PCDHA11: variants seen among roughly 807,000 people sequenced by gnomAD.
The protein encoded by PCDHA11 is protocadherin alpha 11, also known as protocadherin alpha-11.
A neutral mutation model predicts 70.3 loss-of-function variants in PCDHA11; 61 were observed. The ratio of observed to expected loss-of-function variants is 0.87; its 90% CI spans 0.71 to 1.07. The LOEUF is 1.07. PCDHA11 is among the 50% of genes least tolerant of loss of function. The pLI, the probability that PCDHA11 is intolerant of heterozygous loss-of-function variation, is 0.00. For synonymous variants in PCDHA11, 633 were observed against 555.1 expected, an observed-to-expected ratio of 1.14 and a Z score of -1.97; for missense variants, 1,324 against 1,237.5, an observed-to-expected ratio of 1.07 and a Z score of -1.05.
At chr5:140,950,559 T>TAA (rs1381352344) in intron 1 of PCDHA11, among the ~76,000 whole-genome samples, 1 of 152,076 alleles carries the variant, frequency 6.6e-6, no homozygotes, top group African/African-American at 2.4e-5. Flanking sequence ...GGGGGACACT[T>TAA]ATTTTAAGGT....
chr5:140,963,386 A>G (rs189164274), intron 1 of PCDHA11, among the ~76,000 whole-genome samples: 2 of 152,344 alleles, frequency 1.3e-5, no homozygotes, highest in Admixed American at 1.3e-4. Flanking sequence ...CTCTGTGCCA[A>G]GCTCCCTACT....
chr5:140,928,066 G>A lies in PCDHA11; in HGVS notation c.2392-50883G>A, dbSNP rs376048656. On this transcript the variant is annotated intron_variant, in intron 1 of 3. Transcript: ENST00000398640. ...CCCTTTTCAGCTGACGGCTTCCTTT[G>A]ACAACTACTACAGCCTGCTGATTGA... 8.7e-6 allele frequency: 14 copies of A among 1,614,036 alleles called. No individual in the cohort carries two copies. In the African/African-American group the frequency reaches 1.9e-4, roughly 22 times the overall value.
intron 1 of PCDHA11, chr5:140,882,780 G>T: frequency 1.2e-6 from 2 of 1,614,160 alleles, no homozygotes; most frequent in Non-Finnish European, 1.7e-6. Context: ...TTGACCTACC[G>T]ACTGGATCCC....
chr5:140,978,661 T>A (rs1035787381), intron 1 of PCDHA11, among the ~76,000 whole-genome samples: 15 of 152,246 alleles, frequency 9.9e-5, no homozygotes, highest in Admixed American at 9.8e-4. Context: ...CCGTAGTGTT[T>A]TAAGAACACA....
rs1554165105 is a variant in PCDHA11 at position 140,871,093 on chromosome 5, G to A, written c.1990G>A (p.Val664Met). 3 of 1,613,300 alleles carry A rather than the reference G, an allele frequency of 1.9e-6. No individual in the cohort carries two copies. Among genetic ancestry groups the A allele is most frequent in the East Asian group, 4.5e-5 (2 of 44,870 alleles). ...GCCGGCGCTGACGGCCACGGCCACC[G>A]TGCTGGTGTCGTTGGTGGAGAGCGG... ...GEPALTATAT[V>M]LVSLVESGQA... Residue 664 changes from valine to methionine, a missense_variant, in exon 1 of 4, where the codon GTG becomes ATG. Physicochemically the swap from Val to Met is conservative, Grantham distance 21. Transcript: ENST00000398640.
At chr5:140,967,123 C>T in intron 1 of PCDHA11, 1 of 1,612,724 alleles carries the variant, frequency 6.2e-7, no homozygotes, top group Non-Finnish European at 8.5e-7. Context: ...GCTGCCTGCT[C>T]AGCTTGGAAG....
intron 1 of PCDHA11, among the ~76,000 whole-genome samples, chr5:140,878,533 CA>C (rs2057632489): frequency 6.6e-6 from 1 of 152,156 alleles, no homozygotes; most frequent in Admixed American, 6.5e-5. Context: ...AACTGTGGCT[CA>C]AACCAGTTTC....
chr5:140,967,074 A>C (rs1554229140), intron 1 of PCDHA11: 1 of 1,613,138 alleles, frequency 6.2e-7, no homozygotes. Flanking sequence ...TTCGTCAACG[A>C]GCGCATTGAT....
chr5:140,979,033 C>T, intron 2 of PCDHA11, 26 bp downstream of exon 2: 1 of 1,613,044 alleles, frequency 6.2e-7, no homozygotes, highest in Non-Finnish European at 8.5e-7. Flanking sequence ...CTCATTCACT[C>T]AGAAGTAACC....
At chr5:140,926,654 C>G (rs2083445492) in intron 1 of PCDHA11, 1 of 514,022 alleles carries the variant, frequency 1.9e-6, no homozygotes, top group Non-Finnish European at 3.1e-6. Flanking sequence ...GCCGGCTCCG[C>G]TTTCCCAGAC....
At chr5:140,895,207 T>C (rs1392562241) in intron 1 of PCDHA11, among the ~76,000 whole-genome samples, 2 of 152,208 alleles carry the variant, frequency 1.3e-5, no homozygotes, top group Non-Finnish European at 2.9e-5. Context: ...TTTGCTTTTA[T>C]TTCTAATATT....
chr5:140,877,153 A>T (rs2056892429), intron 1 of PCDHA11: 2 of 1,613,798 alleles, frequency 1.2e-6, no homozygotes, highest in Non-Finnish European at 1.7e-6. Flanking sequence ...CGAGAACGAC[A>T]ACGCGCCGGC....
At chr5:140,883,128 C>G (rs782352091) in intron 1 of PCDHA11, 1 of 1,614,060 alleles carries the variant, frequency 6.2e-7, no homozygotes, top group Non-Finnish European at 8.5e-7. Flanking sequence ...CCTGTATGGC[C>G]TGCAGTGGTA....
At chr5:140,956,190 T>A (rs1441772845) in intron 1 of PCDHA11, among the ~76,000 whole-genome samples, 1 of 152,208 alleles carries the variant, frequency 6.6e-6, no homozygotes, top group Non-Finnish European at 1.5e-5. Flanking sequence ...CTATGCTGAA[T>A]AGGAGTGGTG....
At chr5:140,951,560 C>T (rs2094602519) in intron 1 of PCDHA11, among the ~76,000 whole-genome samples, 1 of 151,998 alleles carries the variant, frequency 6.6e-6, no homozygotes. Flanking sequence ...AAGTGCTACG[C>T]ACTTTTAAAC....
intron 1 of PCDHA11, among the ~76,000 whole-genome samples, chr5:140,957,190 A>G (rs2153712685): frequency 6.6e-6 from 1 of 152,294 alleles, no homozygotes; most frequent in South Asian, 2.1e-4. Context: ...TTGATGACCG[A>G]TTGGGAATAT....
At chr5:140,919,816 A>T (rs542185810) in intron 1 of PCDHA11, among the ~76,000 whole-genome samples, 22 of 152,358 alleles carry the variant, frequency 1.4e-4, no homozygotes, top group African/African-American at 5.3e-4. Flanking sequence ...GGCCTCAAAA[A>T]TATATGTCCA....
chr5:140,873,025 C>T (rs1206957639), intron 1 of PCDHA11, among the ~76,000 whole-genome samples: 1 of 152,148 alleles, frequency 6.6e-6, no homozygotes, highest in African/African-American at 2.4e-5. Context: ...GTTATTCTTA[C>T]TACACGTAGA....
At chr5:140,928,594 G>A in intron 1 of PCDHA11, 1 of 1,614,204 alleles carries the variant, frequency 6.2e-7, no homozygotes, top group Non-Finnish European at 8.5e-7. Context: ...TGTCCCAGTG[G>A]AAATTGTGCC....
Sources: gnomAD v4.1 joint callset for allele counts (sites outside exome capture counted in the v4.1 genomes callset) on GRCh38, gnomAD v4.1.1 for gene constraint, MANE v1.5 for transcripts, NCBI Gene and HGNC (gene_info 2026-07-23, HGNC 2026-07-21) for gene names.